The following DGKB variants were observed in gnomAD, a reference collection of about 807,000 sequenced individuals.
DGKB encodes diacylglycerol kinase beta, also known as 90 kDa diacylglycerol kinase.
DGKB carries 67 observed loss-of-function variants against 114.3 expected under a neutral mutation model. The ratio of observed to expected loss-of-function variants is 0.59; its 90% CI spans 0.48 to 0.72. DGKB has a LOEUF of 0.72. DGKB is among the 30% of genes least tolerant of loss of function. The pLI is 0.00. For missense variants in DGKB, 907 were observed against 975.2 expected (o/e 0.93, Z 0.93); for synonymous variants, 398 against 323.1 (o/e 1.23, Z -2.49).
chr7:14,152,595 T>G (rs1782384243), intron 25 of DGKB, among the ~76,000 whole-genome samples: 1 of 152,044 alleles, frequency 6.6e-6, no homozygotes, highest in Admixed American at 6.6e-5. Context: ...CATGACTATT[T>G]CTACTTCTGT....
intron 20 of DGKB, among the ~76,000 whole-genome samples, chr7:14,568,701 G>A (rs185485854): frequency 9.2e-4 from 140 of 152,242 alleles, no homozygotes; most frequent in Non-Finnish European, 1.5e-3. Flanking sequence ...AACCCATTCT[G>A]AATAATACAA....
intron 1 of DGKB, among the ~76,000 whole-genome samples, chr7:14,917,320 A>G (rs958040180): frequency 1.3e-5 from 2 of 152,064 alleles, no homozygotes; most frequent in Non-Finnish European, 2.9e-5. Context: ...ATCAATAGCA[A>G]AAAAATCAAT....
intron 21 of DGKB, among the ~76,000 whole-genome samples, chr7:14,400,875 C>A (rs1210702872): frequency 6.6e-6 from 1 of 151,738 alleles, no homozygotes; most frequent in Non-Finnish European, 1.5e-5. Context: ...AAAACATAGT[C>A]AAGTTTAAGC....
Position 14,757,751 on chromosome 7 carries a change from C to G in DGKB, c.71-20G>C, listed in dbSNP as rs748952327. On this transcript the variant is annotated intron_variant, in intron 2 of 25. Coordinates refer to ENST00000402815, the MANE Select transcript of DGKB (RefSeq NM_001350709.2). ...TAGAATCTATAAAAAACAGAAAACA[C>G]AAAAATTGTTTATATGCACATACTG... The G allele has an allele frequency of 1.3e-6, 2 of 1,482,412 alleles. No individual in the cohort carries two copies. Among genetic ancestry groups the G allele is most frequent in the Non-Finnish European group, 1.9e-6 (2 of 1,064,986 alleles). The allele number at this position is 1,482,412 out of a possible 1,614,324, so 91.8% of individuals were successfully genotyped here. A position where few individuals can be genotyped will look rare whatever the true frequency, so the allele number is the denominator to read the frequency against.
intron 5 of DGKB, among the ~76,000 whole-genome samples, chr7:14,722,609 C>A (rs1001237189): frequency 6.6e-6 from 1 of 152,010 alleles, no homozygotes; most frequent in African/African-American, 2.4e-5. Flanking sequence ...GTGAAGAGAT[C>A]GAGAACATCC....
chr7:14,877,445 C>T (rs1408868440), intron 1 of DGKB, among the ~76,000 whole-genome samples: 1 of 152,114 alleles, frequency 6.6e-6, no homozygotes, highest in Non-Finnish European at 1.5e-5. Flanking sequence ...ATCCCAGCTA[C>T]CCAGGAAGCT....
intron 1 of DGKB, among the ~76,000 whole-genome samples, chr7:14,967,308 T>C (rs1265990350): frequency 2.6e-5 from 1 of 39,042 alleles, no homozygotes; most frequent in Non-Finnish European, 4.4e-5. Context: ...CCTGACTTGA[T>C]TTATTTTTAT....
At chr7:14,965,158 C>T (rs1325937802) in intron 1 of DGKB, among the ~76,000 whole-genome samples, 2 of 152,052 alleles carry the variant, frequency 1.3e-5, no homozygotes, top group African/African-American at 4.8e-5. Context: ...TGAATATACC[C>T]TAGATATGCA....
At chr7:14,633,733 A>C (rs1810198965) in intron 13 of DGKB, among the ~76,000 whole-genome samples, 1 of 151,714 alleles carries the variant, frequency 6.6e-6, no homozygotes. Flanking sequence ...GTATATTTTT[A>C]TTTAATCCAA....
intron 23 of DGKB, among the ~76,000 whole-genome samples, chr7:14,284,159 A>T (rs1177036591): frequency 6.6e-6 from 1 of 151,800 alleles, no homozygotes; most frequent in East Asian, 1.9e-4. Flanking sequence ...AACTCAAACA[A>T]ATTTACAAGA....
chr7:14,591,821 G>C (rs898322786), intron 17 of DGKB, among the ~76,000 whole-genome samples: 1 of 151,810 alleles, frequency 6.6e-6, no homozygotes, highest in African/African-American at 2.4e-5. Flanking sequence ...TTTGTGTTAA[G>C]ATAAAATTGA....
chr7:14,527,344 G>A (rs1291640094), intron 20 of DGKB, among the ~76,000 whole-genome samples: 1 of 152,050 alleles, frequency 6.6e-6, no homozygotes, highest in East Asian at 1.9e-4. Flanking sequence ...AGTAAACCTA[G>A]ATAAATATTT....
chr7:14,161,249 G>C (rs372896798), intron 25 of DGKB, among the ~76,000 whole-genome samples: 1 of 152,210 alleles, frequency 6.6e-6, no homozygotes, highest in African/African-American at 2.4e-5. Flanking sequence ...GTGGAAGACA[G>C]TGTGGCGATT....
intron 1 of DGKB, among the ~76,000 whole-genome samples, chr7:14,957,060 C>A (rs1219942247): frequency 6.6e-6 from 1 of 151,834 alleles, no homozygotes; most frequent in African/African-American, 2.4e-5. Context: ...AATTTGCCAA[C>A]CTTTTGAGCT....
chr7:14,932,367 A>G (rs892811466), intron 1 of DGKB, among the ~76,000 whole-genome samples: 3 of 152,144 alleles, frequency 2.0e-5, no homozygotes, highest in Admixed American at 2.0e-4. Context: ...GTGATTGACC[A>G]CACACTGTTT....
intron 20 of DGKB, among the ~76,000 whole-genome samples, chr7:14,518,526 C>T (rs117741272): frequency 4.0e-4 from 60 of 151,572 alleles, no homozygotes; most frequent in Admixed American, 1.2e-3. Flanking sequence ...TTAAGAGATA[C>T]GTGAACTTTA....
intron 1 of DGKB, among the ~76,000 whole-genome samples, chr7:14,970,410 T>C (rs1187540961): frequency 1.3e-5 from 2 of 151,852 alleles, no homozygotes; most frequent in Non-Finnish European, 2.9e-5. Flanking sequence ...AACAGGGTAA[T>C]GTAAAACTGT....
At chr7:14,251,846 G>A (rs1244755448) in intron 23 of DGKB, among the ~76,000 whole-genome samples, 1 of 152,134 alleles carries the variant, frequency 6.6e-6, no homozygotes, top group Non-Finnish European at 1.5e-5. Context: ...GGCCTGCAAG[G>A]TTTCTGTTGA....
chr7:14,306,632 T>C (rs1437273707), intron 23 of DGKB, among the ~76,000 whole-genome samples: 2 of 152,142 alleles, frequency 1.3e-5, no homozygotes, highest in African/African-American at 4.8e-5. Flanking sequence ...ATCCTTTGGC[T>C]CTGCGCTTCA....
Sources: gnomAD v4.1 joint callset for allele counts (sites outside exome capture counted in the v4.1 genomes callset) on GRCh38, gnomAD v4.1.1 for gene constraint, MANE v1.5 for transcripts, NCBI Gene and HGNC (gene_info 2026-07-23, HGNC 2026-07-21) for gene names.